The following PGAP6 variants were observed in gnomAD, a reference collection of about 807,000 sequenced individuals.
The protein encoded by PGAP6 is post-GPI attachment to proteins 6.
PGAP6 carries 62 observed loss-of-function variants against 68.4 expected under a neutral mutation model. The observed-to-expected ratio is 0.91, with a 90% CI of 0.74 to 1.12. PGAP6 has a LOEUF of 1.12. Among genes scored for constraint, PGAP6 ranks in the 50% most tolerant of loss-of-function variants. The probability of loss-of-function intolerance (pLI) is 0.00; values close to 1 mark genes in which losing one functional copy is unlikely to be tolerated. For missense variants in PGAP6, 1,188 were observed against 1,068.5 expected (o/e 1.11, Z -1.56); for synonymous variants, 575 against 474.0 (o/e 1.21, Z -2.77).
At chr16:383,736 C>T (rs1239688441), upstream of PGAP6, among the ~76,000 whole-genome samples, 1 of 152,254 alleles carries the variant, frequency 6.6e-6, no homozygotes, top group African/African-American at 2.4e-5. Flanking sequence ...AATGATCCAG[C>T]ACCGGCTACA....
upstream of PGAP6, among the ~76,000 whole-genome samples, chr16:384,978 C>A (rs934875796): frequency 6.6e-6 from 1 of 151,752 alleles, no homozygotes; most frequent in Admixed American, 6.6e-5. Context: ...GCCTGGCCAA[C>A]ATGGCGAATT....
At position 381,869 on chromosome 16, in the gene PGAP6, G is replaced by T. The variant is rs897890415; in HGVS notation, c.-48C>A. On this transcript the variant is annotated 5_prime_UTR_variant, in exon 1 of 13. Transcript: ENST00000431232. ...TACCCGGCCCGCGTCCCGCGCCGCC[G>T]GCCCCCGCCGCCGCCCGGGCAGCCT... The T allele has an allele frequency of 1.0e-6, 1 of 979,364 alleles. No homozygotes were observed. The highest frequency in any genetic ancestry group is 1.2e-6 in the Non-Finnish European group (1 of 826,350). 60.7% of individuals were successfully genotyped at this position (979,364 alleles called of 1,614,324 possible). A position where few individuals can be genotyped will look rare whatever the true frequency, so the allele number is the denominator to read the frequency against.
chr16:381,630 G>C (rs2054439167), intron 1 of PGAP6, 71 bp downstream of exon 1: 1 of 1,118,454 alleles, frequency 8.9e-7, no homozygotes, highest in Admixed American at 4.8e-5. Flanking sequence ...GGTGCGCCCG[G>C]GGTGTCACAA....
chr16:378,069 G>A (rs1016052441), intron 1 of PGAP6, among the ~76,000 whole-genome samples: 2 of 151,988 alleles, frequency 1.3e-5, no homozygotes, highest in Admixed American at 6.6e-5. Flanking sequence ...CACCCTCCTG[G>A]CATCTGGGTC....
Position 375,206 on chromosome 16 carries a change from T to A in PGAP6, c.1366A>T (p.Asn456Tyr). The change falls in exon 8 of 13, where the codon AAC (asparagine) becomes TAC (tyrosine). Residue 456 changes from asparagine to tyrosine, a missense_variant. By Grantham distance (143) the Asn-to-Tyr change is moderately radical. Transcript: ENST00000431232. ...LSLSAWSRRA[N>Y]LIIPYPETDN... The stretch of plus-strand genomic sequence containing the variant: ...GTCTCTGGGTAGGGGATGATGAGGT[T>A]GGCCCTGCGAGACCAGGCGCTCAGA... 6.2e-7 allele frequency: 1 copy of A among 1,613,360 alleles called. No individual in the cohort carries two copies.
chr16:372,561 TCTC>T, intron 12 of PGAP6, 47 bp downstream of exon 12: 1 of 1,415,798 alleles, frequency 7.1e-7, no homozygotes, highest in Non-Finnish European at 9.9e-7. Context: ...GGGGCCAGGC[TCTC>T]TTCTCCGAGC....
In PGAP6 at chr16:371,777, G is replaced by A. The variant is rs1025412088; in HGVS notation, c.*210C>T. ...CTGCAGACAGCAGCTGGGATCTGCAGAGGGATCTCAGCAGCGAGCAGGCAG... is the reference window on the plus strand; with the variant it reads ...CTGCAGACAGCAGCTGGGATCTGCAAAGGGATCTCAGCAGCGAGCAGGCAG... On this transcript the variant is annotated 3_prime_UTR_variant, in exon 13 of 13. Transcript: ENST00000431232. 1.4e-5 allele frequency: 8 copies of A among 574,870 alleles called. No homozygotes were observed. Among genetic ancestry groups the A allele is most frequent in the Non-Finnish European group, 2.2e-5 (7 of 323,518 alleles). The allele number at this position is 574,870 out of a possible 1,614,324, so 35.6% of individuals were successfully genotyped here.
Position 381,708 on chromosome 16 carries a change from C to T in PGAP6, c.114G>A (p.Gly38=). ...RPPPASAGYS[G]KSEVGLVSEH... ...CCCGCGCCTCCCGCTCACCGCTCTT[C>T]CCGCTGTAGCCGGCGGAGGCAGGCG... Residue 38 remains glycine, a synonymous_variant, in exon 1 of 13, where the codon GGG becomes GGA. Coordinates refer to ENST00000431232, the MANE Select transcript of PGAP6 (RefSeq NM_021259.3). 1.7e-6 allele frequency: 2 copies of T among 1,210,330 alleles called. No homozygotes were observed. Among genetic ancestry groups the T allele is most frequent in the Non-Finnish European group, 2.1e-6 (2 of 973,410 alleles). 75.0% of individuals were successfully genotyped at this position (1,210,330 alleles called of 1,614,324 possible).
rs756034774 is a variant in PGAP6 at position 372,630 on chromosome 16, A to C, written c.2000T>G (p.Val667Gly). 9 of 1,612,142 alleles carry C rather than the reference A, an allele frequency of 5.6e-6. No homozygotes were observed. The highest frequency in any genetic ancestry group is 7.6e-6 in the Non-Finnish European group (9 of 1,179,764). Residue 667 changes from valine (V) to glycine (G), a missense_variant, in exon 12 of 13, where the codon GTG (valine) becomes GGG (glycine). Coordinates refer to ENST00000431232, the MANE Select transcript of PGAP6 (RefSeq NM_021259.3). ...CCTTACCCACATGGAGGCCATGATCACGAAGGCAAAGAGGCAGGGCCCCAG... is the reference window on the plus strand; with the variant it reads ...CCTTACCCACATGGAGGCCATGATCCCGAAGGCAAAGAGGCAGGGCCCCAG... ...NMLGPCLFAF[V>G]IMASMWAYRC...
At position 372,282 on chromosome 16, in the gene PGAP6, G is replaced by C; in HGVS notation, c.2021C>G (p.Ala674Gly). 2.5e-6 allele frequency: 4 copies of C among 1,607,078 alleles called. No individual in the cohort carries two copies. The highest frequency in any genetic ancestry group is 3.4e-6 in the Non-Finnish European group (4 of 1,179,334). Residue 674 changes from alanine to glycine, a missense_variant and splice_region_variant, in exon 13 of 13, where the codon GCT becomes GGT. Transcript: ENST00000431232. ...FAFVIMASMW[A>G]YRCGHRRQCY... ...CTGGCGCCGGTGCCCGCAGCGGTAA[G>C]CCTGGAGAAAACAGCCACGCAGGTA...
upstream of PGAP6, chr16:384,376 G>A (rs56687322): frequency 0.099 from 15,032 of 152,282 alleles, 994 homozygotes; most frequent in South Asian, 0.25. Flanking sequence ...GTCACAGAGT[G>A]TTGGCAATGG....
chr16:373,872 C>T (rs1420746410), intron 11 of PGAP6, 133 bp downstream of exon 11: 24 of 1,160,324 alleles, frequency 2.1e-5, no homozygotes, highest in South Asian at 6.4e-5. Context: ...CCACCATGCT[C>T]GGCCGAGATG....
At chr16:384,026 C>A (rs1357686643), upstream of PGAP6, among the ~76,000 whole-genome samples, 4 of 152,240 alleles carry the variant, frequency 2.6e-5, no homozygotes, top group Admixed American at 2.6e-4. Context: ...GAAAGGGGGG[C>A]TCCCAGGGGT....
chr16:377,724 G>A lies in PGAP6; in HGVS notation c.246C>T (p.Leu82=), dbSNP rs1297225301. The stretch of plus-strand genomic sequence containing the variant: ...CGCCGCTCTCCCGGGAGACCTGCAG[G>A]AGCCAGCGTAGAAGCACAGCATCTG... ...VPPDAVLLRW[L]LQVSRESGAA... is the part of the protein sequence containing the mutation. The change falls in exon 2 of 13, where the codon CTC becomes CTT. Residue 82 remains leucine, a synonymous_variant. Coordinates refer to ENST00000431232, the MANE Select transcript of PGAP6 (RefSeq NM_021259.3). The A allele has an allele frequency of 3.8e-6, 6 of 1,596,822 alleles. No homozygotes were observed. In the East Asian group the frequency reaches 9.1e-5, roughly 24 times the overall value.
chr16:386,092 T>A (rs1191470420), upstream of PGAP6, among the ~76,000 whole-genome samples: 1 of 151,954 alleles, frequency 6.6e-6, no homozygotes, highest in Non-Finnish European at 1.5e-5. Flanking sequence ...TGAGCCTGGG[T>A]GAGGGTAGAC....
Position 374,033 on chromosome 16 carries a change from A to T in PGAP6, c.1874T>A (p.Met625Lys). 2 of 1,611,580 alleles carry T rather than the reference A, an allele frequency of 1.2e-6. No individual in the cohort carries two copies. Among genetic ancestry groups the T allele is most frequent in the Non-Finnish European group, 1.7e-6 (2 of 1,179,912 alleles). The change falls in exon 11 of 13, where the codon ATG becomes AAG. Residue 625 changes from methionine (M) to lysine (K), a missense_variant. Coordinates refer to ENST00000431232, the MANE Select transcript of PGAP6 (RefSeq NM_021259.3). ...GAAIWVTILC[M>K]ARLKTVLKYV... The stretch of plus-strand genomic sequence containing the variant: ...TTTCAGGACTGTCTTGAGCCGTGCC[A>T]TGCACAGGATGGTGACCCAGATGGC...
At position 374,250 on chromosome 16, in the gene PGAP6, C is replaced by T. The variant is rs532266764; in HGVS notation, c.1726G>A (p.Val576Ile). Residue 576 changes from valine (V) to isoleucine (I), a missense_variant, in exon 10 of 13, where the codon GTC (valine) becomes ATC (isoleucine). Transcript: ENST00000431232. ...GAGAAGAACATGGTGTAGGCGTAGA[C>T]GGAGGCCTCCACCAGGAAGAATCGC... The part of the protein sequence containing the change: ...VRRFFLVEAS[V>I]YAYTMFFSTF... 447 of 1,608,388 alleles carry T rather than the reference C, an allele frequency of 2.8e-4. 11 individuals are homozygous for T. The highest frequency in any genetic ancestry group is 2.7e-3 in the South Asian group (244 of 91,040).
intron 1 of PGAP6, 127 bp downstream of exon 1, chr16:381,574 C>T (rs1275058849): frequency 2.3e-5 from 17 of 731,992 alleles, no homozygotes; most frequent in Non-Finnish European, 3.0e-5. Context: ...ACCCCCAACC[C>T]GCGGCGGGGA....
upstream of PGAP6, among the ~76,000 whole-genome samples, chr16:385,310 A>ATT (rs35605582): frequency 0.011 from 1,181 of 112,394 alleles, 91 homozygotes; most frequent in African/African-American, 0.038. Flanking sequence ...ATATACTCTG[A>ATT]TTTTTTTTTT....
Sources: allele counts gnomAD v4.1 joint callset (sites outside exome capture counted in the v4.1 genomes callset), GRCh38; gene constraint gnomAD v4.1.1; transcripts MANE v1.5; gene names NCBI Gene and HGNC (gene_info 2026-07-23, HGNC 2026-07-21).